Variants in RBFOX1 observed in about 807,000 individuals in gnomAD.
RBFOX1 encodes RNA binding protein fox-1 homolog 1.
A neutral mutation model predicts 57.7 loss-of-function variants in RBFOX1; 8 were observed. That is an observed-to-expected ratio of 0.14 (90% CI 0.08 to 0.25). The LOEUF (loss-of-function observed/expected upper bound fraction) is 0.25, where lower values mean the gene tolerates loss of function less well. Ranked by LOEUF, RBFOX1 falls within the 10% of genes least tolerant of loss-of-function variation. The pLI, the probability that RBFOX1 is intolerant of heterozygous loss-of-function variation, is 1.00. For synonymous variants in RBFOX1, 326 were observed against 222.4 expected (o/e 1.47, Z -4.15); for missense variants, 611 against 548.5 (o/e 1.11, Z -1.14).
intron 3 of RBFOX1, among the ~76,000 whole-genome samples, chr16:6,977,447 T>A (rs2087336771): frequency 6.6e-6 from 1 of 152,060 alleles, no homozygotes; most frequent in South Asian, 2.1e-4. Context: ...ACCATACACA[T>A]CTAGAGGCCA....
chr16:6,804,159 C>T (rs55760439), intron 3 of RBFOX1, among the ~76,000 whole-genome samples: 12,216 of 152,064 alleles, frequency 0.08, 808 homozygotes, highest in East Asian at 0.35. Flanking sequence ...AGGTGCCCGC[C>T]ACCATGCCCA....
intron 2 of RBFOX1, among the ~76,000 whole-genome samples, chr16:5,553,942 TAATC>T (rs1248408672): frequency 6.6e-6 from 1 of 151,064 alleles, no homozygotes; most frequent in Non-Finnish European, 1.5e-5. Flanking sequence ...TGTCTTATAA[TAATC>T]AATACTTTCT....
rs2095021782 is a variant in RBFOX1 at position 6,019,135 on chromosome 16, G to A, written c.-984G>A. 2.0e-6 allele frequency: 2 copies of A among 984,672 alleles called. No individual in the cohort carries two copies. The highest frequency in any genetic ancestry group is 4.7e-5 in the South Asian group (1 of 21,184). 61.0% of individuals were successfully genotyped at this position (984,672 alleles called of 1,614,324 possible). ...CACACATTTTCTCGCGCTCTCTCCG[G>A]CTCTCCTTTGTTTATTTTCTAATCT... On this transcript the variant is annotated 5_prime_UTR_variant, in exon 1 of 16. Transcript: ENST00000550418. The surrounding 1 kb of genome is among the most constrained non-coding windows in gnomAD (Gnocchi z 4.2).
rs551198813 is a variant in RBFOX1 at position 5,897,598 on chromosome 16, G to C, written c.351+30263G>C. ...TAAAAGAGAAACTCTGTGTTAGCAG[G>C]ATGTGGTTCAGCACCTGGGAAACCA... On this transcript the variant is annotated intron_variant, in intron 4 of 19. Transcript: ENST00000641259. Among the ~76,000 whole-genome samples, 5 of 152,276 alleles carry C rather than the reference G, an allele frequency of 3.3e-5. No homozygotes were observed. In the East Asian group the frequency reaches 5.8e-4, roughly 18 times the overall value.
intron 1 of RBFOX1, chr16:6,057,223 A>T (rs1053893521): frequency 2.0e-5 from 3 of 152,122 alleles, no homozygotes; most frequent in Non-Finnish European, 4.4e-5. Flanking sequence ...GTGCTTAAAT[A>T]TATTGTCTGC....
At chr16:5,736,059 A>G (rs2052558771) in intron 3 of RBFOX1, among the ~76,000 whole-genome samples, 2 of 152,054 alleles carry the variant, frequency 1.3e-5, no homozygotes, top group Non-Finnish European at 2.9e-5. Context: ...CTTAGAGTTC[A>G]CAGGGGGATT....
At chr16:7,084,363 G>GA (rs1192650845) in intron 4 of RBFOX1, among the ~76,000 whole-genome samples, 7 of 152,070 alleles carry the variant, frequency 4.6e-5, no homozygotes, top group African/African-American at 1.7e-4. Flanking sequence ...AATGTGGATA[G>GA]AAAAAAGCAT....
intron 1 of RBFOX1, among the ~76,000 whole-genome samples, chr16:5,410,440 A>G (rs562070538): frequency 6.6e-6 from 1 of 152,348 alleles, no homozygotes; most frequent in East Asian, 1.9e-4. Flanking sequence ...TTCCCAACAA[A>G]GAAAAGTGAA....
chr16:7,414,753 G>C (rs776212722), intron 4 of RBFOX1, among the ~76,000 whole-genome samples: 51 of 152,168 alleles, frequency 3.4e-4, no homozygotes, highest in Non-Finnish European at 5.9e-4. Flanking sequence ...GAGTAGCTGG[G>C]ATTACAGGCG....
intron 1 of RBFOX1, among the ~76,000 whole-genome samples, chr16:6,235,629 C>G (rs8052833): frequency 6.7e-6 from 1 of 149,504 alleles, no homozygotes; most frequent in East Asian, 2.0e-4. Flanking sequence ...TATATATATA[C>G]TTACATATAT....
chr16:7,132,612 A>T (rs1335579574), intron 4 of RBFOX1, among the ~76,000 whole-genome samples: 1 of 152,152 alleles, frequency 6.6e-6, no homozygotes, highest in Non-Finnish European at 1.5e-5. Context: ...AGCTGAAAAA[A>T]AAAAACCACA....
intron 4 of RBFOX1, among the ~76,000 whole-genome samples, chr16:7,211,828 G>A (rs1216333931): frequency 3.3e-5 from 5 of 152,092 alleles, no homozygotes; most frequent in African/African-American, 1.2e-4. Flanking sequence ...TTTATCCCCC[G>A]CCCTTAGCAC....
At chr16:7,056,794 C>G (rs567048584) in intron 4 of RBFOX1, among the ~76,000 whole-genome samples, 2 of 152,280 alleles carry the variant, frequency 1.3e-5, no homozygotes, top group South Asian at 4.1e-4. Flanking sequence ...AAATGCATGA[C>G]TGCCAGATTC....
chr16:7,341,776 C>CTCTT (rs1377056870), intron 4 of RBFOX1, among the ~76,000 whole-genome samples: 975 of 95,198 alleles, frequency 0.01, 14 homozygotes, highest in Middle Eastern at 0.031. Flanking sequence ...CCCTCCCTCC[C>CTCTT]TCCTTCCTTC....
intron 3 of RBFOX1, among the ~76,000 whole-genome samples, chr16:5,678,535 G>A (rs556647291): frequency 6.6e-6 from 1 of 152,164 alleles, no homozygotes; most frequent in African/African-American, 2.4e-5. Context: ...TTAGAACCCG[G>A]TTCCTAAGCT....
At chr16:7,609,352 A>G (rs950768606) in intron 10 of RBFOX1, among the ~76,000 whole-genome samples, 6 of 152,128 alleles carry the variant, frequency 3.9e-5, no homozygotes, top group Non-Finnish European at 5.9e-5. Context: ...AAGCAGGAAA[A>G]TACCTAATAT....
In RBFOX1 at chr16:5,471,804, C is replaced by A. The variant is rs3848381; in HGVS notation, c.258+4550C>A. On this transcript the variant is annotated intron_variant, in intron 2 of 2. Transcript: ENST00000585867. ...CAGCGGTATATTTCTAGAGTCTAGC[C>A]TAGAGTGGGGATCAAGGTCCTGGCG... Among the ~76,000 whole-genome samples the A allele has an allele frequency of 3.2e-3, 487 of 152,250 alleles. 12 individuals carry two copies. Among genetic ancestry groups the A allele is most frequent in the Admixed American group, 0.027 (408 of 15,292 alleles).
intron 2 of RBFOX1, among the ~76,000 whole-genome samples, chr16:6,526,594 G>A (rs960516713): frequency 1.1e-4 from 17 of 151,944 alleles, no homozygotes; most frequent in Non-Finnish European, 2.2e-4. Flanking sequence ...ACTTTGGGAG[G>A]TGGAGGTGGG....
At chr16:6,999,677 C>T (rs1034581837) in intron 3 of RBFOX1, among the ~76,000 whole-genome samples, 5 of 151,736 alleles carry the variant, frequency 3.3e-5, no homozygotes, top group African/African-American at 1.2e-4. Flanking sequence ...GAAGCAAATC[C>T]AAAATATACT....
Sources: gnomAD v4.1 joint callset for allele counts (sites outside exome capture counted in the v4.1 genomes callset) on GRCh38, gnomAD v4.1.1 for gene constraint, Gnocchi (gnomAD v3.1) non-coding constraint, MANE v1.5 for transcripts, NCBI Gene and HGNC (gene_info 2026-07-23, HGNC 2026-07-21) for gene names.